The following TACC1 variants were observed in gnomAD, a reference collection of about 807,000 sequenced individuals.
TACC1 encodes transforming acidic coiled-coil-containing protein 1.
A neutral mutation model predicts 84.4 loss-of-function variants in TACC1; 48 were observed. That is an observed-to-expected ratio of 0.57 (90% CI 0.45 to 0.72). TACC1 has a LOEUF of 0.72. Among genes scored for constraint, TACC1 ranks in the 30% least tolerant of loss-of-function variants. TACC1 has a pLI of 0.00. For synonymous variants in TACC1, 372 were observed against 376.3 expected (o/e 0.99, Z 0.13); for missense variants, 920 against 973.0 (o/e 0.95, Z 0.72).
chr8:38,832,651 G>A (rs532968919), intron 6 of TACC1, among the ~76,000 whole-genome samples: 1 of 152,326 alleles, frequency 6.6e-6, no homozygotes, highest in South Asian at 2.1e-4. Flanking sequence ...ATCAGTGGTA[G>A]GAGTCAGTCT....
chr8:38,833,763 A>G (rs1019184996), intron 6 of TACC1, among the ~76,000 whole-genome samples: 50 of 152,306 alleles, frequency 3.3e-4, no homozygotes, highest in African/African-American at 1.2e-3. Context: ...CGTATTTCCC[A>G]TATTCTCACG....
intron 3 of TACC1, among the ~76,000 whole-genome samples, chr8:38,773,681 T>C (rs1286375027): frequency 6.6e-6 from 1 of 152,052 alleles, no homozygotes; most frequent in South Asian, 2.1e-4. Context: ...AGAGAGAGAT[T>C]TGCAATCTTT....
intron 3 of TACC1, among the ~76,000 whole-genome samples, chr8:38,762,765 C>G (rs1163043091): frequency 6.6e-6 from 1 of 152,068 alleles, no homozygotes; most frequent in Admixed American, 6.6e-5. Flanking sequence ...CCATGTTGGC[C>G]AGGCTGATCT....
chr8:38,820,636 G>A lies in TACC1; in HGVS notation c.1391+1G>A, dbSNP rs371670979. 11 of 1,600,004 alleles carry A rather than the reference G, an allele frequency of 6.9e-6. No individual in the cohort carries two copies. The highest frequency in any genetic ancestry group is 2.2e-5 in the East Asian group (1 of 44,850). ...AGAAGGCAAAGTCGCGTTTAATAACGTGAGTGACAGTGGGCGCTGGGTGTC... is the reference window on the plus strand; with the variant it reads ...AGAAGGCAAAGTCGCGTTTAATAACATGAGTGACAGTGGGCGCTGGGTGTC... On this transcript the variant is annotated splice_donor_variant, in intron 3 of 12. Transcript: ENST00000317827. LOFTEE classifies it high-confidence loss of function.
At chr8:38,777,353 C>A (rs186916891) in intron 3 of TACC1, among the ~76,000 whole-genome samples, 8 of 152,280 alleles carry the variant, frequency 5.3e-5, no homozygotes, top group Admixed American at 5.2e-4. Context: ...GCTCCCCAGT[C>A]AGCCTGGTGC....
intron 6 of TACC1, 73 bp from the exon 7 acceptor site, chr8:38,836,089 G>A: frequency 6.3e-7 from 1 of 1,584,456 alleles, no homozygotes; most frequent in Non-Finnish European, 8.6e-7. Flanking sequence ...TTAGTAATGA[G>A]GAAGTTGTTG....
At chr8:38,781,978 A>AT (rs532980632) in intron 3 of TACC1, among the ~76,000 whole-genome samples, 4 of 145,046 alleles carry the variant, frequency 2.8e-5, no homozygotes, top group Non-Finnish European at 6.1e-5. Flanking sequence ...GTAAATCTTT[A>AT]TTTTTTTTAT....
intron 6 of TACC1, among the ~76,000 whole-genome samples, chr8:38,831,670 A>G (rs1040239778): frequency 1.3e-5 from 2 of 151,798 alleles, no homozygotes; most frequent in African/African-American, 4.8e-5. Flanking sequence ...TAGTTTTTGT[A>G]TTTTTTGCAG....
chr8:38,816,093 G>A (rs1223606500), intron 2 of TACC1, among the ~76,000 whole-genome samples: 7 of 152,236 alleles, frequency 4.6e-5, no homozygotes, highest in Admixed American at 2.6e-4. Flanking sequence ...ACCTGAGAGC[G>A]TGCCTTAATT....
intron 2 of TACC1, among the ~76,000 whole-genome samples, chr8:38,808,735 T>C (rs1026564733): frequency 7.9e-5 from 12 of 152,214 alleles, no homozygotes; most frequent in Non-Finnish European, 2.9e-5. Context: ...AGGGCAGCAC[T>C]AGGTATATGG....
chr8:38,800,868 T>C (rs1189854942), intron 2 of TACC1, among the ~76,000 whole-genome samples: 1 of 152,208 alleles, frequency 6.6e-6, no homozygotes, highest in Non-Finnish European at 1.5e-5. Context: ...CTGCCAGTAG[T>C]ATTTGAGCGT....
At position 38,819,573 on chromosome 8, in the gene TACC1, C is replaced by T; in HGVS notation, c.329C>T (p.Ser110Leu). The change falls in exon 3 of 13, where the codon TCA becomes TTA. Residue 110 changes from serine to leucine, a missense_variant. Ser to Leu is a moderately radical substitution (Grantham distance 145). This residue lies in a region of TACC1 where 762 missense variants were observed against 747.3 expected (regional missense o/e 1.02). Coordinates refer to ENST00000317827, the MANE Select transcript of TACC1 (RefSeq NM_006283.3). ...GTAGCAGAAGTGGTTGAAAAATGTTCATCTAAGACTTGTTCTAAACCTTCA... is the reference window on the plus strand; with the variant it reads ...GTAGCAGAAGTGGTTGAAAAATGTTTATCTAAGACTTGTTCTAAACCTTCA... ...QLVAEVVEKC[S>L]SKTCSKPSEN... is the part of the protein sequence containing the mutation. 1 of 1,613,916 alleles carries T rather than the reference C, an allele frequency of 6.2e-7. No homozygotes were observed. The highest frequency in any genetic ancestry group is 8.5e-7 in the Non-Finnish European group (1 of 1,179,820).
intron 2 of TACC1, among the ~76,000 whole-genome samples, chr8:38,817,052 G>T (rs558000286): frequency 6.6e-6 from 1 of 152,212 alleles, no homozygotes; most frequent in South Asian, 2.1e-4. Context: ...GGTTGTAGGA[G>T]CTCTGTGCCA....
intron 2 of TACC1, among the ~76,000 whole-genome samples, chr8:38,798,850 A>G (rs79940223): frequency 7.2e-5 from 11 of 152,190 alleles, no homozygotes; most frequent in Non-Finnish European, 1.2e-4. Context: ...AAAAGGGCCT[A>G]TTGTACGGTT....
chr8:38,782,470 G>T (rs113805121), upstream of TACC1, among the ~76,000 whole-genome samples: 1 of 152,078 alleles, frequency 6.6e-6, no homozygotes, highest in South Asian at 2.1e-4. Flanking sequence ...GAATAGTGCC[G>T]CAATAAACAT....
chr8:38,840,402 A>G, intron 9 of TACC1, 135 bp downstream of exon 9: 1 of 736,626 alleles, frequency 1.4e-6, no homozygotes. Context: ...GAGACAGGAG[A>G]GTTCAAGGTG....
intron 1 of TACC1, 48 bp from the exon 2 acceptor site, chr8:38,788,656 C>A: frequency 1.4e-6 from 2 of 1,403,700 alleles, no homozygotes; most frequent in South Asian, 1.2e-5. Flanking sequence ...CAAAGGGTGT[C>A]GGAAATACCG....
Position 38,838,520 on chromosome 8 carries a change from G to C in TACC1, c.1890G>C (p.Glu630Asp). The C allele has an allele frequency of 6.2e-7, 1 of 1,613,924 alleles. No individual in the cohort carries two copies. Among genetic ancestry groups the C allele is most frequent in the Non-Finnish European group, 8.5e-7 (1 of 1,179,862 alleles). Residue 630 changes from glutamate (E) to aspartate (D), a missense_variant, in exon 8 of 13, where the codon GAG (glutamate) becomes GAC (aspartate). Around this residue, in one of 2 missense-constraint regions of TACC1, gnomAD observed 158 missense variants for 225.6 expected, o/e 0.70. Transcript: ENST00000317827. The stretch of plus-strand genomic sequence containing the variant: ...ATGAATGGAAGAAGAAATACGAAGA[G>C]ACCCGGCAAGAAGTTTTGGAGATGA... ...EANEWKKKYEETRQEVLEMRK... is the reference protein window; with the variant it reads ...EANEWKKKYEDTRQEVLEMRK...
intron 1 of TACC1, among the ~76,000 whole-genome samples, chr8:38,733,405 T>G (rs75863883): frequency 0.014 from 2,069 of 152,198 alleles, 26 homozygotes; most frequent in Admixed American, 0.02. Flanking sequence ...GCAGCTCTCT[T>G]GGGGGACTTT....
Sources: gnomAD v4.1 joint callset for allele counts (sites outside exome capture counted in the v4.1 genomes callset) on GRCh38, gnomAD v4.1.1 for gene constraint, gnomAD v4.1.1 regional missense constraint, MANE v1.5 for transcripts, NCBI Gene and HGNC (gene_info 2026-07-23, HGNC 2026-07-21) for gene names.